Variants in ASL observed in about 807,000 individuals in gnomAD.
ASL encodes argininosuccinate lyase.
A neutral mutation model predicts 69.1 loss-of-function variants in ASL; 51 were observed. The ratio of observed to expected loss-of-function variants is 0.74; its 90% CI spans 0.59 to 0.93. ASL has a LOEUF of 0.93. ASL is among the 40% of genes least tolerant of loss of function. The pLI is 0.00. For synonymous variants in ASL, 241 were observed against 247.6 expected (o/e 0.97, Z 0.25); for missense variants, 540 against 623.9 (o/e 0.87, Z 1.43).
intron 9 of ASL, 116 bp from the exon 10 acceptor site, chr7:66,087,613 C>T (rs952126896): frequency 3.8e-5 from 42 of 1,094,898 alleles, no homozygotes; most frequent in Non-Finnish European, 4.8e-5. Flanking sequence ...GCAAAAGATC[C>T]CTCCCCCCAG....
At chr7:66,086,976 C>T (rs780197450) in intron 8 of ASL, 155 bp downstream of exon 8, 58 of 950,784 alleles carry the variant, frequency 6.1e-5, no homozygotes, top group South Asian at 2.8e-4. Context: ...GCTAAGGTGA[C>T]GACCAAGCCA....
intron 3 of ASL, 141 bp downstream of exon 3, chr7:66,082,138 G>A: frequency 1.7e-6 from 2 of 1,174,148 alleles, no homozygotes; most frequent in Non-Finnish European, 1.2e-6. Flanking sequence ...CTGTTTAACT[G>A]TGTGCCTTGA....
chr7:66,086,973 TGAC>T, intron 8 of ASL, 152 bp downstream of exon 8: 1 of 976,052 alleles, frequency 1.0e-6, no homozygotes, highest in Non-Finnish European at 1.5e-6. Flanking sequence ...CTCGCTAAGG[TGAC>T]GACCAAGCCA....
intron 6 of ASL, among the ~76,000 whole-genome samples, chr7:66,085,606 C>T (rs989987190): frequency 1.3e-5 from 2 of 152,026 alleles, no homozygotes; most frequent in Admixed American, 6.6e-5. Flanking sequence ...TAGCAAGACC[C>T]CATCTTTTTT....
chr7:66,087,462 C>A, intron 9 of ASL, 76 bp downstream of exon 9: 1 of 1,547,964 alleles, frequency 6.5e-7, no homozygotes, highest in Non-Finnish European at 8.8e-7. Flanking sequence ...CACCTGAAAC[C>A]AGAGGGCAGG....
intron 14 of ASL, among the ~76,000 whole-genome samples, 196 bp downstream of exon 14, chr7:66,089,891 CA>C (rs926032867): frequency 9.9e-5 from 15 of 152,102 alleles, no homozygotes; most frequent in African/African-American, 3.1e-4. Flanking sequence ...AGATGAGACT[CA>C]GGGGGCCTGG....
intron 2 of ASL, among the ~76,000 whole-genome samples, chr7:66,077,001 A>G (rs1466237860): frequency 6.6e-6 from 1 of 152,178 alleles, no homozygotes; most frequent in African/African-American, 2.4e-5. Context: ...GGAGCCAAAC[A>G]GACTTGGTTT....
At chr7:66,085,360 C>T (rs552215520) in intron 6 of ASL, among the ~76,000 whole-genome samples, 1 of 152,216 alleles carries the variant, frequency 6.6e-6, no homozygotes, top group African/African-American at 2.4e-5. Flanking sequence ...CACCTGTAGT[C>T]CCAGCTACTT....
At position 66,076,177 on chromosome 7, in the gene ASL, T is replaced by G. The variant is rs995181145; in HGVS notation, c.12+84T>G. ...CCAGACCTGCCTCGGGCCACCCTGC[T>G]GGGAATCGCCCTCCAGGAAGCAATT... On this transcript the variant is annotated intron_variant, in intron 2 of 16. Transcript: ENST00000304874. The G allele has an allele frequency of 8.9e-5, 136 of 1,522,996 alleles. No homozygotes were observed. In the African/African-American group the frequency reaches 1.8e-3, roughly 21 times the overall value. The allele number at this position is 1,522,996 out of a possible 1,614,324, so 94.3% of individuals were successfully genotyped here.
At chr7:66,081,396 A>G (rs1287062222) in intron 2 of ASL, among the ~76,000 whole-genome samples, 1 of 152,104 alleles carries the variant, frequency 6.6e-6, no homozygotes, top group Non-Finnish European at 1.5e-5. Flanking sequence ...CCTGGCCAAC[A>G]TGGTGAAACC....
Position 66,086,576 on chromosome 7 carries a change from C to T in ASL, c.447-9C>T. On this transcript the variant is annotated splice_polypyrimidine_tract_variant and intron_variant, in intron 6 of 16. Transcript: ENST00000304874. Reference sequence around the variant, plus strand: ...CTCCACCCGAGCTTCTGCTCCTCCTCTCCCACAGGGAACGTGATGTTCTCT... The same window carrying T: ...CTCCACCCGAGCTTCTGCTCCTCCTTTCCCACAGGGAACGTGATGTTCTCT... 2 of 1,613,432 alleles carry T rather than the reference C, an allele frequency of 1.2e-6. No individual in the cohort carries two copies. Among genetic ancestry groups the T allele is most frequent in the Non-Finnish European group, 1.7e-6 (2 of 1,180,022 alleles).
intron 9 of ASL, 165 bp from the exon 10 acceptor site, chr7:66,087,564 C>A: frequency 1.0e-6 from 1 of 972,400 alleles, no homozygotes; most frequent in Non-Finnish European, 1.6e-6. Context: ...ATGCCTGGTA[C>A]TGAGAGACTC....
intron 1 of ASL, 74 bp downstream of exon 1, chr7:66,075,930 C>A: frequency 1.0e-6 from 1 of 997,188 alleles, no homozygotes; most frequent in Non-Finnish European, 1.5e-6. Context: ...CTCACGTCCG[C>A]GTCCCCAAGG....
At chr7:66,077,789 G>A (rs546722691) in intron 2 of ASL, among the ~76,000 whole-genome samples, 3 of 152,178 alleles carry the variant, frequency 2.0e-5, no homozygotes, top group South Asian at 2.1e-4. Context: ...ATGTACATTC[G>A]ACCTTAACTG....
At chr7:66,087,581 C>G (rs972210426) in intron 9 of ASL, 148 bp from the exon 10 acceptor site, 22 of 975,256 alleles carry the variant, frequency 2.3e-5, no homozygotes, top group Non-Finnish European at 3.3e-5. Context: ...ACTCAGGGCT[C>G]CTGCCTCCCT....
At chr7:66,082,026 A>T (rs752748616) in intron 3 of ASL, 29 bp downstream of exon 3, 16 of 1,576,368 alleles carry the variant, frequency 1.0e-5, no homozygotes, top group Non-Finnish European at 1.4e-5. Flanking sequence ...GCCCCACCCA[A>T]GGCCCCTTCC....
intron 8 of ASL, 46 bp downstream of exon 8, chr7:66,086,867 T>A: frequency 6.5e-7 from 1 of 1,538,704 alleles, no homozygotes; most frequent in Non-Finnish European, 8.8e-7. Context: ...GGGTGGCTGC[T>A]GCATAGCCTT....
Position 66,092,758 on chromosome 7 carries a change from C to G in ASL, c.1251-10C>G, listed in dbSNP as rs2115766036. ...CTGGCGCCCTGGCCCACCTCTTCCT[C>G]TCTCCCCAGCCCCCTGTTCTCGGGC... On this transcript the variant is annotated splice_polypyrimidine_tract_variant and intron_variant, in intron 16 of 16. Transcript: ENST00000304874. 1.9e-6 allele frequency: 3 copies of G among 1,613,878 alleles called. No individual in the cohort carries two copies. Among genetic ancestry groups the G allele is most frequent in the Non-Finnish European group, 2.5e-6 (3 of 1,179,982 alleles).
At chr7:66,084,411 G>C (rs989647214) in intron 6 of ASL, among the ~76,000 whole-genome samples, 9 of 151,902 alleles carry the variant, frequency 5.9e-5, no homozygotes, top group Non-Finnish European at 1.2e-4. Flanking sequence ...ATCTGCCCGC[G>C]TCGGCCTGCC....
Sources: gnomAD v4.1 joint callset for allele counts (sites outside exome capture counted in the v4.1 genomes callset) on GRCh38, gnomAD v4.1.1 for gene constraint, MANE v1.5 for transcripts, NCBI Gene and HGNC (gene_info 2026-07-23, HGNC 2026-07-21) for gene names.